XCR1: variants seen among roughly 807,000 people sequenced by gnomAD.
The protein encoded by XCR1 is X-C motif chemokine receptor 1.
For missense variants in XCR1, 356 were observed against 424.2 expected, an observed-to-expected ratio of 0.84 and a Z score of 1.41; for synonymous variants, 187 against 188.5, an observed-to-expected ratio of 0.99 and a Z score of 0.06.
intron 4 of XCR1, among the ~76,000 whole-genome samples, chr3:46,059,890 C>T (rs773000508): frequency 1.3e-5 from 2 of 152,188 alleles, no homozygotes; most frequent in African/African-American, 4.8e-5. Flanking sequence ...TAACATGATA[C>T]AACTGAAATT....
intron 1 of XCR1, chr3:46,024,212 AGC>A: frequency 3.3e-6 from 1 of 301,132 alleles, no homozygotes; most frequent in Non-Finnish European, 5.7e-6. Context: ...TAGTTAATCC[AGC>A]AAAAAAAAAA....
intron 3 of XCR1, among the ~76,000 whole-genome samples, chr3:46,067,118 G>T (rs1698091438): frequency 6.6e-6 from 1 of 152,134 alleles, no homozygotes; most frequent in African/African-American, 2.4e-5. Flanking sequence ...AGGTGCTGGG[G>T]GTTCAAAAAG....
At position 46,021,513 on chromosome 3, in the gene XCR1, G is replaced by A; in HGVS notation, c.435C>T (p.Cys145=). 6.2e-7 allele frequency: 1 copy of A among 1,612,782 alleles called. No individual in the cohort carries two copies. The change falls in exon 2 of 2, where the codon TGC becomes TGT. Residue 145 remains cysteine, a synonymous_variant. Transcript: ENST00000309285. This position sits in a 1 kb window ranked among gnomAD's most constrained non-coding sequence, Gnocchi z 4.7. ...ACACAGCCATGGTCACCAGCACCCG[G>A]CAGCGGAGGGTGGGGACGCGCAGGG... ...LSTLRVPTLR[C]RVLVTMAVWV... is the part of the protein sequence containing the mutation.
intron 4 of XCR1, among the ~76,000 whole-genome samples, chr3:46,056,747 A>G (rs1330377085): frequency 2.0e-5 from 3 of 151,700 alleles, no homozygotes; most frequent in Non-Finnish European, 4.4e-5. Flanking sequence ...TTGGCTTCCC[A>G]AAGTGGTGGG....
chr3:46,026,798 G>A (rs1405963918), intron 1 of XCR1, among the ~76,000 whole-genome samples: 1 of 151,806 alleles, frequency 6.6e-6, no homozygotes, highest in Non-Finnish European at 1.5e-5. Flanking sequence ...TAGCCAGGAT[G>A]GTCTCAATCT....
upstream of XCR1, among the ~76,000 whole-genome samples, chr3:46,031,297 G>A (rs1265877333): frequency 2.0e-5 from 3 of 152,226 alleles, no homozygotes; most frequent in Non-Finnish European, 2.9e-5. Context: ...AAGGTCCCCC[G>A]CTGCCCACAG....
At chr3:46,045,907 C>A (rs191223133) in intron 5 of XCR1, among the ~76,000 whole-genome samples, 2 of 152,262 alleles carry the variant, frequency 1.3e-5, no homozygotes, top group African/African-American at 2.4e-5. Flanking sequence ...TCAAAAAGCA[C>A]CTAAACTCAT....
chr3:46,074,309 A>G (rs528108503), intron 3 of XCR1, among the ~76,000 whole-genome samples: 1 of 142,752 alleles, frequency 7.0e-6, no homozygotes, highest in Non-Finnish European at 1.5e-5. Flanking sequence ...TTGCAGCCTC[A>G]ACCCCCAAGG....
At chr3:46,062,149 G>A (rs894298303) in intron 4 of XCR1, among the ~76,000 whole-genome samples, 1 of 152,150 alleles carries the variant, frequency 6.6e-6, no homozygotes, top group Non-Finnish European at 1.5e-5. Flanking sequence ...AGTGGTTAGG[G>A]TTCAGGAGAA....
At chr3:46,057,376 G>A (rs1010904353) in intron 4 of XCR1, among the ~76,000 whole-genome samples, 9 of 152,188 alleles carry the variant, frequency 5.9e-5, no homozygotes, top group Admixed American at 1.3e-4. Flanking sequence ...TTATAAAGGG[G>A]CGCAAAGCAA....
chr3:46,023,244 C>T, intron 1 of XCR1: 1 of 608,078 alleles, frequency 1.6e-6, no homozygotes, highest in Non-Finnish European at 2.9e-6. Flanking sequence ...CCCTGCGATC[C>T]CCTCCATGTT....
At chr3:46,053,378 C>G (rs2125899648) in intron 5 of XCR1, among the ~76,000 whole-genome samples, 1 of 148,562 alleles carries the variant, frequency 6.7e-6, no homozygotes, top group East Asian at 1.9e-4. Context: ...ACGTAAAATT[C>G]TTTGTATTGG....
At chr3:46,036,030 G>C (rs1050364113) in intron 5 of XCR1, among the ~76,000 whole-genome samples, 3 of 152,200 alleles carry the variant, frequency 2.0e-5, no homozygotes, top group Non-Finnish European at 2.9e-5. Context: ...TGCTGCAGTG[G>C]TCAGACTGTG....
rs1317777306 is a variant in XCR1 at position 46,017,723 on chromosome 3, A to C, written c.*3223T>G. 6.6e-6 allele frequency: 1 copy of C among 152,240 alleles called. No individual in the cohort carries two copies. Among genetic ancestry groups the C allele is most frequent in the African/African-American group, 2.4e-5 (1 of 41,434 alleles). 9.4% of individuals were successfully genotyped at this position (152,240 alleles called of 1,614,324 possible). On this transcript the variant is annotated 3_prime_UTR_variant, in exon 2 of 2. Transcript: ENST00000309285. ...GTTCTTCTCTTCTGGATTCTGTCTG[A>C]GGGAAACTGGAGGTGTAAATGCTGT...
At chr3:46,072,901 T>C (rs1575440952) in intron 3 of XCR1, among the ~76,000 whole-genome samples, 1 of 152,172 alleles carries the variant, frequency 6.6e-6, no homozygotes, top group African/African-American at 2.4e-5. Flanking sequence ...CAAAACAGCA[T>C]GGTACTAGTA....
intron 5 of XCR1, among the ~76,000 whole-genome samples, chr3:46,045,987 T>C (rs953787958): frequency 1.3e-5 from 2 of 152,162 alleles, no homozygotes; most frequent in East Asian, 1.9e-4. Context: ...AACAGGTGAT[T>C]GGATAAAGAA....
chr3:46,041,704 A>G (rs992468139), intron 5 of XCR1, among the ~76,000 whole-genome samples: 17 of 152,174 alleles, frequency 1.1e-4, no homozygotes. Flanking sequence ...TGAAACTTAC[A>G]TTTGTTTTAG....
intron 5 of XCR1, among the ~76,000 whole-genome samples, chr3:46,047,147 T>C (rs1697650065): frequency 6.6e-6 from 1 of 152,250 alleles, no homozygotes; most frequent in South Asian, 2.1e-4. Flanking sequence ...CATACTGAGC[T>C]GTTTGAATAG....
intron 1 of XCR1, among the ~76,000 whole-genome samples, chr3:46,077,331 TA>T (rs1553635754): frequency 6.6e-6 from 1 of 151,966 alleles, no homozygotes; most frequent in Non-Finnish European, 1.5e-5. Context: ...GTGCAAACCC[TA>T]TTGTGAACTG....
Sources: gnomAD v4.1 joint callset for allele counts (sites outside exome capture counted in the v4.1 genomes callset) on GRCh38, gnomAD v4.1.1 for gene constraint, Gnocchi (gnomAD v3.1) non-coding constraint, MANE v1.5 for transcripts, NCBI Gene and HGNC (gene_info 2026-07-23, HGNC 2026-07-21) for gene names.